The following DYNC1H1 variants were observed in gnomAD, a reference collection of about 807,000 sequenced individuals.
The protein encoded by DYNC1H1 is cytoplasmic dynein 1 heavy chain 1.
Under a neutral mutation model 527.1 loss-of-function variants are expected in DYNC1H1, and 51 were observed. The ratio of observed to expected loss-of-function variants is 0.10; its 90% CI spans 0.08 to 0.12. The LOEUF (loss-of-function observed/expected upper bound fraction) is 0.12, where lower values mean the gene tolerates loss of function less well. Ranked by LOEUF, DYNC1H1 falls within the 10% of genes least tolerant of loss-of-function variation. The pLI, the probability that DYNC1H1 is intolerant of heterozygous loss-of-function variation, is 1.00. For synonymous variants in DYNC1H1, 2,189 were observed against 2,278.8 expected (o/e 0.96, Z 1.12); for missense variants, 2,771 against 5,971.8 (o/e 0.46, Z 17.66).
chr14:102,033,209 T>A lies in DYNC1H1; in HGVS notation c.10197+27T>A, dbSNP rs752557292. 5.0e-6 allele frequency: 8 copies of A among 1,614,164 alleles called. No homozygotes were observed. In the South Asian group the frequency reaches 8.8e-5, roughly 18 times the overall value. On this transcript the variant is annotated intron_variant, in intron 53 of 77. Transcript: ENST00000360184. The surrounding 1 kb of genome is among the most constrained non-coding windows in gnomAD (Gnocchi z 5.6). Reference sequence around the variant, plus strand: ...TGATTAACACAGCCAGGAGCTCCCGTGTGAAAGGTGACCTCTTTTCCTGTC... The same window carrying A: ...TGATTAACACAGCCAGGAGCTCCCGAGTGAAAGGTGACCTCTTTTCCTGTC...
rs1416029639 is a variant in DYNC1H1, at chr14:101,964,685, C to T, written c.-7C>T. ...CATCGCTCCTGGAAGGTCCCGAGCG[C>T]GACACCATGTCGGAGCCCGGGGGCG... is the stretch of plus-strand genomic sequence containing the variant. On this transcript the variant is annotated 5_prime_UTR_variant, in exon 1 of 78. Transcript: ENST00000360184. The surrounding 1 kb of genome is among the most constrained non-coding windows in gnomAD (Gnocchi z 5.5). The T allele has an allele frequency of 1.3e-6, 2 of 1,585,850 alleles. No individual in the cohort carries two copies. The highest frequency in any genetic ancestry group is 2.7e-5 in the African/African-American group (2 of 74,584).
At position 101,995,306 on chromosome 14, in the gene DYNC1H1, C is replaced by T; in HGVS notation, c.3564+6C>T. 1 of 1,614,118 alleles carries T rather than the reference C, an allele frequency of 6.2e-7. No individual in the cohort carries two copies. Among genetic ancestry groups the T allele is most frequent in the Non-Finnish European group, 8.5e-7 (1 of 1,180,028 alleles). On this transcript the variant is annotated splice_donor_region_variant and intron_variant, in intron 15 of 77. Transcript: ENST00000360184. Reference sequence around the variant, plus strand: ...AGTTTGAGAAGCAAGTTGAGGTGAGCTCTGTGCATATTTAAAAATTTTTGG... The same window carrying T: ...AGTTTGAGAAGCAAGTTGAGGTGAGTTCTGTGCATATTTAAAAATTTTTGG...
At position 102,016,791 on chromosome 14, in the gene DYNC1H1, C is replaced by T. The variant is rs1057518888; in HGVS notation, c.7640C>T (p.Pro2547Leu). ...YEVSISGEWSPWQAKVPQIEV... is the reference protein window; with the variant it reads ...YEVSISGEWSLWQAKVPQIEV... ...GTGTCCATCAGCGGAGAATGGTCTC[C>T]GTGGCAGGCCAAGGTGCCTCAGATT... Residue 2547 changes from proline (P) to leucine (L), a missense_variant, in exon 38 of 78, where the codon CCG becomes CTG. Pro to Leu is a moderately conservative substitution (Grantham distance 98). This residue lies in a region of DYNC1H1 where 71 missense variants were observed against 143.6 expected (regional missense o/e 0.49). Coordinates refer to ENST00000360184, the MANE Select transcript of DYNC1H1 (RefSeq NM_001376.5). The surrounding 1 kb of genome is among the most constrained non-coding windows in gnomAD (Gnocchi z 7.3). The T allele has an allele frequency of 6.2e-7, 1 of 1,613,840 alleles. No homozygotes were observed. Among genetic ancestry groups the T allele is most frequent in the Non-Finnish European group, 8.5e-7 (1 of 1,180,008 alleles).
At position 101,976,082 on chromosome 14, in the gene DYNC1H1, T is replaced by C. The variant is rs147555522; in HGVS notation, c.344+283T>C. Among the ~76,000 whole-genome samples, 495 of 151,614 alleles carry C rather than the reference T, an allele frequency of 3.3e-3. 6 individuals carry two copies. The highest frequency in any genetic ancestry group is 0.011 in the African/African-American group (449 of 41,404). ...ACCGCCACGCCTGGCTAATTCTGTATTTTTAGTAGAGACAGGGTTTCTCCG... is the reference window on the plus strand; with the variant it reads ...ACCGCCACGCCTGGCTAATTCTGTACTTTTAGTAGAGACAGGGTTTCTCCG... On this transcript the variant is annotated intron_variant, in intron 2 of 77. Coordinates refer to ENST00000360184, the MANE Select transcript of DYNC1H1 (RefSeq NM_001376.5).
At position 102,054,430 on chromosome 14, in the gene DYNC1H1, T is replaced by A. The variant is rs552949732; in HGVS notation, c.*3867T>A. ...ATGGGCGTTTAAGTCCGAACCTTGTTTTCAAAGGTGCCCATTGCCTGTTCT... is the reference window on the plus strand; with the variant it reads ...ATGGGCGTTTAAGTCCGAACCTTGTATTCAAAGGTGCCCATTGCCTGTTCT... On this transcript the variant is annotated 3_prime_UTR_variant, in exon 78 of 78. Transcript: ENST00000360184. 3 of 152,126 alleles carry A rather than the reference T, an allele frequency of 2.0e-5. No homozygotes were observed. Among genetic ancestry groups the A allele is most frequent in the Non-Finnish European group, 4.4e-5 (3 of 68,028 alleles). 9.4% of individuals were successfully genotyped at this position (152,126 alleles called of 1,614,324 possible).
rs1185371070 is a variant in DYNC1H1, at chr14:102,009,823, C to T, written c.5978-20C>T. On this transcript the variant is annotated intron_variant, in intron 29 of 77. Coordinates refer to ENST00000360184, the MANE Select transcript of DYNC1H1 (RefSeq NM_001376.5). ...TTTTTTTTAACATTTCTAGTCTTAA[C>T]GCTATCATCTCATTCTCAGCCTCTG... 6 of 1,612,916 alleles carry T rather than the reference C, an allele frequency of 3.7e-6. No homozygotes were observed. The highest frequency in any genetic ancestry group is 3.3e-5 in the Admixed American group (2 of 59,922).
intron 16 of DYNC1H1, among the ~76,000 whole-genome samples, chr14:101,998,879 C>CTTTTTTTTTTGTT (rs1470140199): frequency 3.5e-5 from 4 of 115,220 alleles, no homozygotes; most frequent in African/African-American, 1.5e-4. Context: ...AAAACTTTTT[C>CTTTTTTTTTTGTT]TTTTTTTTTT....
In DYNC1H1 at chr14:101,985,734, A is replaced by T. The variant is rs1057522046; in HGVS notation, c.1509A>T (p.Gln503His). 6.2e-7 allele frequency: 1 copy of T among 1,614,220 alleles called. No homozygotes were observed. Among genetic ancestry groups the T allele is most frequent in the Admixed American group, 1.7e-5 (1 of 60,026 alleles). The change falls in exon 8 of 78, where the codon CAA becomes CAT. Residue 503 changes from glutamine to histidine, a missense_variant. This residue lies in a region of DYNC1H1 where 264 missense variants were observed against 619.4 expected (regional missense o/e 0.43). Transcript: ENST00000360184. This position sits in a 1 kb window ranked among gnomAD's most constrained non-coding sequence, Gnocchi z 5.9. The stretch of plus-strand genomic sequence containing the variant: ...ATCAAGGAGAGGTCCCTGAACCCCA[A>T]GATATGAAAGTGGCTGAGGTTCTCT... Reference protein sequence around the residue: ...QQNQGEVPEPQDMKVAEVLFD... With the variant: ...QQNQGEVPEPHDMKVAEVLFD...
At position 102,018,227 on chromosome 14, in the gene DYNC1H1, A is replaced by G. The variant is rs1430150126; in HGVS notation, c.8178-224A>G. On this transcript the variant is annotated intron_variant, in intron 40 of 77. Transcript: ENST00000360184. The surrounding 1 kb of genome is among the most constrained non-coding windows in gnomAD (Gnocchi z 5.2). ...TGAAATAAGCCTTGGTTATTTTTTCATCTTTGCTGGTTTTTCAAGTGTTTT... is the reference window on the plus strand; with the variant it reads ...TGAAATAAGCCTTGGTTATTTTTTCGTCTTTGCTGGTTTTTCAAGTGTTTT... Among the ~76,000 whole-genome samples, 1 of 152,182 alleles carries G rather than the reference A, an allele frequency of 6.6e-6. No homozygotes were observed. Among genetic ancestry groups the G allele is most frequent in the Non-Finnish European group, 1.5e-5 (1 of 68,020 alleles).
chr14:102,005,358 T>C lies in DYNC1H1; in HGVS notation c.5433+122T>C. On this transcript the variant is annotated intron_variant, in intron 26 of 77. Coordinates refer to ENST00000360184, the MANE Select transcript of DYNC1H1 (RefSeq NM_001376.5). This position sits in a 1 kb window ranked among gnomAD's most constrained non-coding sequence, Gnocchi z 4.0. Reference sequence around the variant, plus strand: ...GTATCAAGGAGAACAGTGGATGGTGTATGGATATCCTCTGAGGGTGGGCAT... The same window carrying C: ...GTATCAAGGAGAACAGTGGATGGTGCATGGATATCCTCTGAGGGTGGGCAT... The C allele has an allele frequency of 2.3e-6, 3 of 1,323,224 alleles. No homozygotes were observed. Among genetic ancestry groups the C allele is most frequent in the Non-Finnish European group, 3.2e-6 (3 of 928,912 alleles). 82.0% of individuals were successfully genotyped at this position (1,323,224 alleles called of 1,614,324 possible). A position where few individuals can be genotyped will look rare whatever the true frequency, so the allele number is the denominator to read the frequency against.
In DYNC1H1 at chr14:102,020,109, T is replaced by C; in HGVS notation, c.8507+53T>C. 1.2e-6 allele frequency: 2 copies of C among 1,603,570 alleles called. No homozygotes were observed. The highest frequency in any genetic ancestry group is 1.1e-5 in the South Asian group (1 of 89,926). On this transcript the variant is annotated intron_variant, in intron 42 of 77. Coordinates refer to ENST00000360184, the MANE Select transcript of DYNC1H1 (RefSeq NM_001376.5). This position sits in a 1 kb window ranked among gnomAD's most constrained non-coding sequence, Gnocchi z 4.3. ...CCCATTCTCCCCTGCTCTGAGTTCT[T>C]ACAGCTGTCGAAGCTGGGGTCTTTG...
intron 1 of DYNC1H1, 39 bp from the exon 2 acceptor site, chr14:101,975,673 A>C: frequency 6.4e-7 from 1 of 1,556,132 alleles, no homozygotes; most frequent in East Asian, 2.2e-5. Flanking sequence ...GAAATTGGAA[A>C]TGTTGATATT....
intron 27 of DYNC1H1, 35 bp downstream of exon 27, chr14:102,006,205 A>ATATAT (rs773617918): frequency 1.4e-5 from 23 of 1,608,376 alleles, no homozygotes; most frequent in Non-Finnish European, 2.0e-5. Flanking sequence ...AGATGGAATC[A>ATATAT]TATATTAAAA....
chr14:102,030,546 C>A, intron 51 of DYNC1H1: 1 of 456,494 alleles, frequency 2.2e-6, no homozygotes, highest in Non-Finnish European at 4.0e-6. Context: ...AGCTTTGTGT[C>A]AATATACGTT....
intron 2 of DYNC1H1, among the ~76,000 whole-genome samples, chr14:101,977,469 TTGTG>T (rs1007650096): frequency 2.6e-5 from 4 of 152,218 alleles, no homozygotes; most frequent in African/African-American, 9.6e-5. Context: ...CCCTAAATAC[TTGTG>T]TGTATTTCCT....
chr14:101,993,573 T>C (rs1205963169), intron 11 of DYNC1H1, among the ~76,000 whole-genome samples: 1 of 152,188 alleles, frequency 6.6e-6, no homozygotes, highest in Non-Finnish European at 1.5e-5. Context: ...CGGTAGACTC[T>C]TGCCCCTGCG....
At chr14:102,043,563 T>G in intron 69 of DYNC1H1, 1 of 400,050 alleles carries the variant, frequency 2.5e-6, no homozygotes. Flanking sequence ...AGGAGGGGGA[T>G]TGTGGCAGGG....
At position 102,041,779 on chromosome 14, in the gene DYNC1H1, C is replaced by A; in HGVS notation, c.12102+45C>A. 6.2e-7 allele frequency: 1 copy of A among 1,612,684 alleles called. No individual in the cohort carries two copies. Among genetic ancestry groups the A allele is most frequent in the Non-Finnish European group, 8.5e-7 (1 of 1,179,920 alleles). ...CGGGCTTCCCACGAGACTCCATGCC[C>A]ACCTCCCCAGCCACAGGTGGCAGCA... On this transcript the variant is annotated intron_variant, in intron 65 of 77. Coordinates refer to ENST00000360184, the MANE Select transcript of DYNC1H1 (RefSeq NM_001376.5). The surrounding 1 kb of genome is among the most constrained non-coding windows in gnomAD (Gnocchi z 4.5).
chr14:102,046,734 G>C (rs963075826), intron 72 of DYNC1H1, among the ~76,000 whole-genome samples: 4 of 152,138 alleles, frequency 2.6e-5, no homozygotes, highest in African/African-American at 4.8e-5. Context: ...AGGTCTCACA[G>C]TGAACCCAAA....
Sources: allele counts gnomAD v4.1 joint callset (sites outside exome capture counted in the v4.1 genomes callset), GRCh38; gene constraint gnomAD v4.1.1; regional missense constraint gnomAD v4.1.1; non-coding constraint Gnocchi (gnomAD v3.1); transcripts MANE v1.5; gene names NCBI Gene and HGNC (gene_info 2026-07-23, HGNC 2026-07-21).